TLE4: variants seen among roughly 807,000 people sequenced by gnomAD.
The protein encoded by TLE4 is transducin-like enhancer protein 4.
In TLE4, 8 loss-of-function variants were observed where a neutral mutation model predicts 92.8. That is an observed-to-expected ratio of 0.09 (90% CI 0.05 to 0.16). TLE4 has a LOEUF of 0.16. TLE4 is among the 10% of genes least tolerant of loss of function. TLE4 has a pLI of 1.00. For synonymous variants in TLE4, 371 were observed against 374.1 expected, an observed-to-expected ratio of 0.99 and a Z score of 0.10; for missense variants, 675 against 997.6, an observed-to-expected ratio of 0.68 and a Z score of 4.36.
intron 6 of TLE4, among the ~76,000 whole-genome samples, chr9:79,644,491 A>G (rs954778362): frequency 1.3e-5 from 2 of 152,190 alleles, no homozygotes; most frequent in East Asian, 3.9e-4. Flanking sequence ...CGCTTTTTAC[A>G]TGAAGAAACA....
intron 4 of TLE4, among the ~76,000 whole-genome samples, chr9:79,592,608 G>A (rs181739157): frequency 3.3e-5 from 5 of 151,932 alleles, no homozygotes; most frequent in African/African-American, 4.8e-5. Context: ...CATTTTGCTC[G>A]GTTACTGCCA....
chr9:79,573,636 C>T lies in TLE4; in HGVS notation c.46-53C>T, dbSNP rs546057233. ...GCCGCATAGTAGGTTTTCTCCGTCT[C>T]CCTGCTTCGCCTGTGATGTGGGCTA... is the stretch of plus-strand genomic sequence containing the variant. On this transcript the variant is annotated intron_variant, in intron 1 of 19. Coordinates refer to ENST00000376552, the MANE Select transcript of TLE4 (RefSeq NM_007005.6). 5 of 1,442,772 alleles carry T rather than the reference C, an allele frequency of 3.5e-6. 1 individual carries two copies. The highest frequency in any genetic ancestry group is 3.6e-4 in the Middle Eastern group (2 of 5,582). 89.4% of individuals were successfully genotyped at this position (1,442,772 alleles called of 1,614,324 possible). A position where few individuals can be genotyped will look rare whatever the true frequency, so the allele number is the denominator to read the frequency against.
chr9:79,695,607 G>A (rs1440354674), intron 8 of TLE4, among the ~76,000 whole-genome samples: 1 of 152,122 alleles, frequency 6.6e-6, no homozygotes, highest in African/African-American at 2.4e-5. Flanking sequence ...AAACGGGCGT[G>A]GTCCTTGCCT....
intron 5 of TLE4, among the ~76,000 whole-genome samples, chr9:79,625,240 C>T (rs1245753888): frequency 6.6e-6 from 1 of 151,542 alleles, no homozygotes; most frequent in South Asian, 2.1e-4. Context: ...GGGATGGTCT[C>T]GATCTCCTGA....
Position 79,652,609 on chromosome 9 carries a change from A to C in TLE4, c.407A>C (p.Gln136Pro). The part of the protein sequence containing the change: ...NAIIGQQLQA[Q>P]HLSHGHGLPV... Reference sequence around the variant, plus strand: ...TCACAGCAGCAACAACTCCAGGCCCAGCATTTATCACATGGACATGGTCTC... The same window carrying C: ...TCACAGCAGCAACAACTCCAGGCCCCGCATTTATCACATGGACATGGTCTC... The change falls in exon 7 of 20, where the codon CAG (glutamine) becomes CCG (proline). Residue 136 changes from glutamine to proline, a missense_variant. By Grantham distance (76) the Gln-to-Pro change is moderately conservative (BLOSUM62 -1). Coordinates refer to ENST00000376552, the MANE Select transcript of TLE4 (RefSeq NM_007005.6). 6.2e-7 allele frequency: 1 copy of C among 1,614,168 alleles called. No individual in the cohort carries two copies. Among genetic ancestry groups the C allele is most frequent in the Non-Finnish European group, 8.5e-7 (1 of 1,180,018 alleles).
chr9:79,700,803 G>A (rs1387037015), intron 8 of TLE4, among the ~76,000 whole-genome samples: 1 of 152,020 alleles, frequency 6.6e-6, no homozygotes, highest in Admixed American at 6.6e-5. Context: ...GCCATTGCTT[G>A]TGACCGTGAC....
rs2076362693 is a variant in TLE4 at position 79,726,197 on chromosome 9, T to G, written c.*1053T>G. Reference sequence around the variant, plus strand: ...TCTCTCCTGGGATGAGGACTTGCTTTCTTTACCTCCGGTTCTTTCCATGTC... The same window carrying G: ...TCTCTCCTGGGATGAGGACTTGCTTGCTTTACCTCCGGTTCTTTCCATGTC... On this transcript the variant is annotated 3_prime_UTR_variant, in exon 20 of 20. Coordinates refer to ENST00000376552, the MANE Select transcript of TLE4 (RefSeq NM_007005.6). The G allele has an allele frequency of 6.5e-6, 1 of 152,692 alleles. No homozygotes were observed. Among genetic ancestry groups the G allele is most frequent in the Admixed American group, 6.5e-5 (1 of 15,286 alleles). 9.5% of individuals were successfully genotyped at this position (152,692 alleles called of 1,614,324 possible).
At chr9:79,659,487 ACTT>A (rs2060230775) in intron 8 of TLE4, among the ~76,000 whole-genome samples, 1 of 151,964 alleles carries the variant, frequency 6.6e-6, no homozygotes, top group Non-Finnish European at 1.5e-5. Flanking sequence ...TTATAATCAA[ACTT>A]CTTTGATTAT....
At chr9:79,576,967 A>G (rs772026620) in intron 4 of TLE4, among the ~76,000 whole-genome samples, 1 of 151,622 alleles carries the variant, frequency 6.6e-6, no homozygotes, top group Non-Finnish European at 1.5e-5. Flanking sequence ...ACACACACAA[A>G]TATATATACA....
chr9:79,629,460 C>T (rs1165603523), intron 6 of TLE4, among the ~76,000 whole-genome samples: 2 of 152,024 alleles, frequency 1.3e-5, no homozygotes, highest in African/African-American at 4.8e-5. Flanking sequence ...AGACTGCAGC[C>T]AAGTTACTGA....
intron 6 of TLE4, among the ~76,000 whole-genome samples, chr9:79,649,285 C>T (rs2134118990): frequency 6.6e-6 from 1 of 151,874 alleles, no homozygotes; most frequent in East Asian, 1.9e-4. Flanking sequence ...CACACACACA[C>T]ACACACACAC....
At chr9:79,580,545 A>C (rs1005490816) in intron 4 of TLE4, among the ~76,000 whole-genome samples, 3 of 152,246 alleles carry the variant, frequency 2.0e-5, no homozygotes, top group African/African-American at 7.2e-5. Flanking sequence ...AAGTTTGTTG[A>C]AAGTTCATTT....
intron 3 of TLE4, 175 bp from the exon 4 acceptor site, chr9:79,575,958 C>A: frequency 2.4e-6 from 1 of 420,282 alleles, no homozygotes; most frequent in Non-Finnish European, 4.2e-6. Context: ...GAATTTGTGT[C>A]TTAAGGTGGT....
intron 2 of TLE4, 113 bp downstream of exon 2, chr9:79,573,899 A>AT (rs1044911847): frequency 1.6e-3 from 1,093 of 683,628 alleles, no homozygotes; most frequent in South Asian, 1.9e-3. Context: ...CAAAGGTATT[A>AT]TTTTTTTTTC....
intron 4 of TLE4, among the ~76,000 whole-genome samples, chr9:79,580,560 C>T: frequency 6.6e-6 from 1 of 151,980 alleles, no homozygotes; most frequent in Non-Finnish European, 1.5e-5. Context: ...TCATTTTAGA[C>T]CACATTTCCC....
chr9:79,579,898 A>G (rs1437478863), intron 4 of TLE4, among the ~76,000 whole-genome samples: 2 of 152,318 alleles, frequency 1.3e-5, no homozygotes, highest in East Asian at 3.9e-4. Context: ...CTTTTAGCAA[A>G]CTGTAATAAC....
intron 8 of TLE4, among the ~76,000 whole-genome samples, chr9:79,679,393 T>G (rs1052817008): frequency 6.6e-6 from 1 of 152,220 alleles, no homozygotes; most frequent in African/African-American, 2.4e-5. Context: ...TTTTTTCATG[T>G]GTTTTTTGGC....
intron 6 of TLE4, among the ~76,000 whole-genome samples, chr9:79,646,997 C>T (rs2058204211): frequency 6.6e-6 from 1 of 152,010 alleles, no homozygotes. Flanking sequence ...TTGGTTGTTA[C>T]CATTCATAAA....
rs138973958 is a variant in TLE4 at position 79,587,113 on chromosome 9, C to T, written c.252+10936C>T. On this transcript the variant is annotated intron_variant, in intron 4 of 19. Transcript: ENST00000376552. ...AATATGTTTTGTTCACTGCTGGTAC[C>T]ACTAGCACCTAAAACAATGCCTGGA... is the stretch of plus-strand genomic sequence containing the variant. Among the ~76,000 whole-genome samples, 370 of 152,268 alleles carry T rather than the reference C, an allele frequency of 2.4e-3. 1 individual carries two copies. Among genetic ancestry groups the T allele is most frequent in the African/African-American group, 8.0e-3 (334 of 41,536 alleles).
Sources: allele counts gnomAD v4.1 joint callset (sites outside exome capture counted in the v4.1 genomes callset), GRCh38; gene constraint gnomAD v4.1.1; transcripts MANE v1.5; gene names NCBI Gene and HGNC (gene_info 2026-07-23, HGNC 2026-07-21).